CRYM: variants seen among roughly 807,000 people sequenced by gnomAD.
CRYM encodes ketimine reductase mu-crystallin.
In CRYM, 18 loss-of-function variants were observed where a neutral mutation model predicts 32.9. That is an observed-to-expected ratio of 0.55 (90% CI 0.38 to 0.81). The LOEUF (loss-of-function observed/expected upper bound fraction) is 0.81. CRYM is among the 30% of genes least tolerant of loss of function. The probability of loss-of-function intolerance (pLI) is 0.00; values close to 1 mark genes in which losing one functional copy is unlikely to be tolerated. For missense variants in CRYM, 337 were observed against 393.5 expected (o/e 0.86, Z 1.21); for synonymous variants, 153 against 152.4 (o/e 1.00, Z -0.03).
chr16:21,285,111 T>C (rs1384395937), intron 1 of CRYM, among the ~76,000 whole-genome samples: 1 of 152,242 alleles, frequency 6.6e-6, no homozygotes, highest in East Asian at 1.9e-4. Flanking sequence ...ATGTTTTATT[T>C]GGGTTATTTG....
intron 1 of CRYM, among the ~76,000 whole-genome samples, chr16:21,285,114 G>A (rs1162933979): frequency 6.6e-6 from 1 of 152,082 alleles, no homozygotes; most frequent in Non-Finnish European, 1.5e-5. Flanking sequence ...TTTTATTTGG[G>A]TTATTTGTTT....
exon 1 of CRYM, chr16:21,303,009 A>G (rs181301821): frequency 2.6e-5 from 4 of 153,656 alleles, no homozygotes; most frequent in South Asian, 2.1e-4. Context: ...CCTCACAATC[A>G]CGGCAGAAGG....
At chr16:21,283,098 G>A (rs1025328602), upstream of CRYM, among the ~76,000 whole-genome samples, 1 of 152,112 alleles carries the variant, frequency 6.6e-6, no homozygotes, top group African/African-American at 2.4e-5. Context: ...AAGCTCCTGT[G>A]CCTGAGCCTC....
At chr16:21,302,699 G>C (rs189365110) in intron 1 of CRYM, among the ~76,000 whole-genome samples, 1 of 152,228 alleles carries the variant, frequency 6.6e-6, no homozygotes, top group Admixed American at 6.5e-5. Context: ...GGGAAGTTAG[G>C]CTCCTACCCT....
At chr16:21,274,730 C>T (rs960658198) in intron 3 of CRYM, among the ~76,000 whole-genome samples, 2 of 152,036 alleles carry the variant, frequency 1.3e-5, no homozygotes, top group Non-Finnish European at 2.9e-5. Context: ...CTCACTCTCC[C>T]GGGTAGCTGA....
chr16:21,275,368 C>T (rs2093384158), intron 3 of CRYM, among the ~76,000 whole-genome samples, 164 bp downstream of exon 3: 1 of 152,204 alleles, frequency 6.6e-6, no homozygotes, highest in African/African-American at 2.4e-5. Flanking sequence ...TAATTGGTAG[C>T]TAATAATTTC....
intron 5 of CRYM, among the ~76,000 whole-genome samples, chr16:21,267,173 C>T (rs2093365445): frequency 6.6e-6 from 1 of 152,018 alleles, no homozygotes; most frequent in Admixed American, 6.6e-5. Flanking sequence ...TCTTGGCTCA[C>T]TGCAACCTCT....
chr16:21,279,294 CTG>C (rs2093393929), upstream of CRYM, among the ~76,000 whole-genome samples: 1 of 152,148 alleles, frequency 6.6e-6, no homozygotes, highest in Non-Finnish European at 1.5e-5. Flanking sequence ...ATTGGAGGCT[CTG>C]AGAAGGGAAG....
At position 21,277,156 on chromosome 16, in the gene CRYM, A is replaced by G. The variant is rs2152863221; in HGVS notation, c.324+275T>C. Among the ~76,000 whole-genome samples, 1 of 152,332 alleles carries G rather than the reference A, an allele frequency of 6.6e-6. No homozygotes were observed. The highest frequency in any genetic ancestry group is 1.5e-5 in the Non-Finnish European group (1 of 68,034). ...CGTATTTGGGGCAACTGAGTATAGG[A>G]CAAGGACATATGCAAGAATGACAAC... On this transcript the variant is annotated intron_variant, in intron 2 of 7. Transcript: ENST00000572914. This position sits in a 1 kb window ranked among gnomAD's most constrained non-coding sequence, Gnocchi z 4.2.
intron 3 of CRYM, among the ~76,000 whole-genome samples, chr16:21,271,984 G>A (rs1029092364): frequency 1.3e-5 from 2 of 151,058 alleles, no homozygotes; most frequent in African/African-American, 2.4e-5. Flanking sequence ...TCAGCCTCCC[G>A]AGTAGCTGGG....
intron 3 of CRYM, among the ~76,000 whole-genome samples, chr16:21,274,580 C>A (rs2260483): frequency 0.33 from 50,878 of 151,878 alleles, 9,850 homozygotes; most frequent in African/African-American, 0.53. Flanking sequence ...TTAAACTCAA[C>A]AGATGTTTTT....
intron 1 of CRYM, among the ~76,000 whole-genome samples, chr16:21,291,635 G>A (rs1323348721): frequency 6.6e-6 from 1 of 152,060 alleles, no homozygotes; most frequent in Non-Finnish European, 1.5e-5. Context: ...AGAGGGGAAA[G>A]CACTTGAAAA....
intron 1 of CRYM, among the ~76,000 whole-genome samples, chr16:21,287,777 C>T (rs2093409901): frequency 2.0e-5 from 3 of 152,190 alleles, no homozygotes; most frequent in Non-Finnish European, 2.9e-5. Context: ...GTCCCATGCC[C>T]CTTGCCCTGT....
chr16:21,262,153 C>T lies in CRYM; in HGVS notation c.679G>A (p.Gly227Arg). 6.2e-7 allele frequency: 1 copy of T among 1,614,038 alleles called. No individual in the cohort carries two copies. The highest frequency in any genetic ancestry group is 1.1e-5 in the South Asian group (1 of 91,068). The change falls in exon 6 of 8, where the codon GGA becomes AGA. Residue 227 changes from glycine (G) to arginine (R), a missense_variant. Physicochemically the swap from Gly to Arg is moderately radical, Grantham distance 125. Transcript: ENST00000572914. ...VKPGAHINAV[G>R]ASRPDWRELD... The stretch of plus-strand genomic sequence containing the variant: ...TCTCTCCAGTCAGGTCTGCTGGCTC[C>T]AACAGCTAAGAGACAGCAAAACAGA...
At chr16:21,262,715 A>G (rs2093356823) in intron 5 of CRYM, among the ~76,000 whole-genome samples, 1 of 152,196 alleles carries the variant, frequency 6.6e-6, no homozygotes, top group Non-Finnish European at 1.5e-5. Flanking sequence ...ACGACATAGC[A>G]TTCATTTACA....
intron 1 of CRYM, among the ~76,000 whole-genome samples, chr16:21,296,987 G>C (rs768905810): frequency 6.6e-6 from 1 of 151,368 alleles, no homozygotes; most frequent in Admixed American, 6.6e-5. Flanking sequence ...CAGCCTGGGC[G>C]ACAGAGCAAG....
rs1431024125 is a variant in CRYM, at chr16:21,267,569, C to T, written c.658G>A (p.Gly220Arg). 1 of 1,613,784 alleles carries T rather than the reference C, an allele frequency of 6.2e-7. No individual in the cohort carries two copies. Among genetic ancestry groups the T allele is most frequent in the Non-Finnish European group, 8.5e-7 (1 of 1,180,022 alleles). ...PILFGEWVKP[G>R]AHINAVGASR... Reference sequence around the variant, plus strand: ...CTCTACTTACCATTGATGTGAGCCCCTGGCTTCACCCATTCACCAAACAAA... The same window carrying T: ...CTCTACTTACCATTGATGTGAGCCCTTGGCTTCACCCATTCACCAAACAAA... The change falls in exon 5 of 8, where the codon GGG (glycine) becomes AGG (arginine). Residue 220 changes from glycine to arginine, a missense_variant. By Grantham distance (125) the Gly-to-Arg change is moderately radical (BLOSUM62 -2). Coordinates refer to ENST00000572914, the MANE Select transcript of CRYM (RefSeq NM_001376256.1).
Position 21,269,843 on chromosome 16 carries a change from C to T in CRYM, c.436G>A (p.Val146Ile). ...SEVLCILGAG[V>I]QAYSHYEIFT... ...ATCTCATAATGGCTGTAGGCCTGGA[C>T]CCCAGCCCCAAGGATGCACAGCACT... Residue 146 changes from valine to isoleucine, a missense_variant, in exon 4 of 8, where the codon GTC (valine) becomes ATC (isoleucine). Coordinates refer to ENST00000572914, the MANE Select transcript of CRYM (RefSeq NM_001376256.1). The T allele has an allele frequency of 6.3e-7, 1 of 1,595,190 alleles. No individual in the cohort carries two copies. The highest frequency in any genetic ancestry group is 8.6e-7 in the Non-Finnish European group (1 of 1,169,530).
At position 21,271,864 on chromosome 16, in the gene CRYM, T is replaced by A. The variant is rs568560543; in HGVS notation, c.388-1973A>T. Among the ~76,000 whole-genome samples, 81 of 148,208 alleles carry A rather than the reference T, an allele frequency of 5.5e-4. 1 individual carries two copies. The highest frequency in any genetic ancestry group is 1.1e-3 in the Admixed American group (16 of 14,814). On this transcript the variant is annotated intron_variant, in intron 3 of 7. Coordinates refer to ENST00000572914, the MANE Select transcript of CRYM (RefSeq NM_001376256.1). ...AGTGTGATAATTGATATTTTTAAAATTTTTTTTTTTTTCCGAGACAGTCTC... is the reference window on the plus strand; with the variant it reads ...AGTGTGATAATTGATATTTTTAAAAATTTTTTTTTTTTCCGAGACAGTCTC...
Sources: gnomAD v4.1 joint callset for allele counts (sites outside exome capture counted in the v4.1 genomes callset) on GRCh38, gnomAD v4.1.1 for gene constraint, Gnocchi (gnomAD v3.1) non-coding constraint, MANE v1.5 for transcripts, NCBI Gene and HGNC (gene_info 2026-07-23, HGNC 2026-07-21) for gene names.